Variants in FAM193A observed in about 807,000 individuals in gnomAD.
FAM193A encodes the protein protein FAM193A.
FAM193A carries 22 observed loss-of-function variants against 126.5 expected under a neutral mutation model. The observed-to-expected ratio is 0.17, with a 90% CI of 0.12 to 0.25. The LOEUF (loss-of-function observed/expected upper bound fraction) is 0.25. Ranked by LOEUF, FAM193A falls within the 10% of genes least tolerant of loss-of-function variation. The pLI, the probability that FAM193A is intolerant of heterozygous loss-of-function variation, is 1.00. For synonymous variants in FAM193A, 761 were observed against 646.8 expected (o/e 1.18, Z -2.68); for missense variants, 1,675 against 1,672.8 (o/e 1.00, Z -0.02).
intron 2 of FAM193A, among the ~76,000 whole-genome samples, chr4:2,604,915 A>C (rs1328522384): frequency 1.4e-5 from 2 of 142,866 alleles, no homozygotes; most frequent in East Asian, 2.1e-4. Flanking sequence ...CTCCCAGCTT[A>C]GCCTCCTGAG....
At chr4:2,536,063 G>A (rs1363176917), upstream of FAM193A, among the ~76,000 whole-genome samples, 1 of 151,996 alleles carries the variant, frequency 6.6e-6, no homozygotes, top group Non-Finnish European at 1.5e-5. Flanking sequence ...CAAGGTCACC[G>A]GGCGTTCCTG....
chr4:2,677,871 G>C (rs1255800282), intron 13 of FAM193A, among the ~76,000 whole-genome samples: 1 of 152,124 alleles, frequency 6.6e-6, no homozygotes, highest in African/African-American at 2.4e-5. Context: ...TAACTGCATT[G>C]AATCTGTAGA....
In FAM193A at chr4:2,677,756, A is replaced by C. The variant is rs186372654; in HGVS notation, c.2331+5384A>C. On this transcript the variant is annotated intron_variant, in intron 13 of 20. Coordinates refer to ENST00000637812, the MANE Select transcript of FAM193A (RefSeq NM_001366318.2). ...AACACTGTCTCAAAAAAAAAAAAAAAAAGATTGTTTGGGTTATTCAGGATC... is the reference window on the plus strand; with the variant it reads ...AACACTGTCTCAAAAAAAAAAAAAACAAGATTGTTTGGGTTATTCAGGATC... 4.4e-3 allele frequency among the ~76,000 whole-genome samples: 674 copies of C among 152,030 alleles called. 3 individuals carry two copies. Among genetic ancestry groups the C allele is most frequent in the Non-Finnish European group, 7.9e-3 (538 of 67,988 alleles).
intron 2 of FAM193A, among the ~76,000 whole-genome samples, chr4:2,601,725 T>TAA (rs974230252): frequency 1.4e-5 from 2 of 143,332 alleles, no homozygotes; most frequent in African/African-American, 5.1e-5. Flanking sequence ...TCTGTCTCTA[T>TAA]AAAAAAAAAA....
intron 2 of FAM193A, among the ~76,000 whole-genome samples, chr4:2,623,294 C>T (rs775307292): frequency 3.9e-5 from 6 of 152,094 alleles, no homozygotes; most frequent in African/African-American, 7.2e-5. Flanking sequence ...CTCAGCCTCC[C>T]GAGTAGCTGG....
At position 2,590,477 on chromosome 4, in the gene FAM193A, AAAAAAAAAC is replaced by A. The variant is rs1560464485; in HGVS notation, c.256-5598_256-5590del. Among the ~76,000 whole-genome samples the A allele has an allele frequency of 1.5e-4, 10 of 64,668 alleles. 1 individual carries two copies. Among genetic ancestry groups the A allele is most frequent in the African/African-American group, 7.4e-4 (4 of 5,372 alleles). 42.4% of individuals were successfully genotyped at this position (64,668 alleles called of 152,430 possible). On this transcript the variant is annotated intron_variant, in intron 1 of 20. Coordinates refer to ENST00000637812, the MANE Select transcript of FAM193A (RefSeq NM_001366318.2). ...AGACTCCATCTCAAAAAAAAAAAAC[AAAAAAAAAC>A]AAAAAAAAACAAAAAAAAACAAAAA... is the stretch of plus-strand genomic sequence containing the variant.
chr4:2,562,976 G>A (rs1200416988), intron 1 of FAM193A, among the ~76,000 whole-genome samples: 1 of 148,694 alleles, frequency 6.7e-6, no homozygotes, highest in Non-Finnish European at 1.5e-5. Flanking sequence ...ACGGAGTCTT[G>A]CTCTCTCGCC....
At chr4:2,669,498 A>C (rs1355268076) in intron 12 of FAM193A, among the ~76,000 whole-genome samples, 2 of 152,192 alleles carry the variant, frequency 1.3e-5, no homozygotes, top group Non-Finnish European at 2.9e-5. Context: ...CATCCCAGCT[A>C]CTTGGGAGGC....
chr4:2,690,137 G>A (rs1359690118), intron 14 of FAM193A, among the ~76,000 whole-genome samples: 4 of 152,182 alleles, frequency 2.6e-5, no homozygotes, highest in Admixed American at 6.5e-5. Flanking sequence ...CTGCATTGGC[G>A]CCACGTGGCA....
chr4:2,692,618 A>G (rs1305775737), intron 15 of FAM193A, among the ~76,000 whole-genome samples: 1 of 152,210 alleles, frequency 6.6e-6, no homozygotes, highest in African/African-American at 2.4e-5. Context: ...ATTTTATCCA[A>G]ATCTACCAAG....
chr4:2,693,782 T>C lies in FAM193A; in HGVS notation c.3000T>C (p.Thr1000=). 1 of 1,614,088 alleles carries C rather than the reference T, an allele frequency of 6.2e-7. No individual in the cohort carries two copies. Among genetic ancestry groups the C allele is most frequent in the South Asian group, 1.1e-5 (1 of 91,086 alleles). ...CATTCCCCAAAACAGCAACCACAACTCCTGGGTTTGTGGACACACGCAAGA... is the reference window on the plus strand; with the variant it reads ...CATTCCCCAAAACAGCAACCACAACCCCTGGGTTTGTGGACACACGCAAGA... ...APSFPKTATT[T]PGFVDTRKSF... The change falls in exon 16 of 21, where the codon ACT becomes ACC. Residue 1000 remains threonine (T), a synonymous_variant. Transcript: ENST00000637812.
intron 17 of FAM193A, 67 bp downstream of exon 17, chr4:2,695,196 T>C: frequency 7.2e-7 from 1 of 1,388,820 alleles, no homozygotes; most frequent in Non-Finnish European, 9.6e-7. Flanking sequence ...TTTGCAGAAA[T>C]TCTGTACTAG....
chr4:2,562,436 G>A (rs902532156), intron 1 of FAM193A, among the ~76,000 whole-genome samples: 4 of 152,080 alleles, frequency 2.6e-5, no homozygotes, highest in Non-Finnish European at 4.4e-5. Context: ...GTGGCAAAGC[G>A]AGACCCTGCC....
chr4:2,590,309 A>C (rs1740456963), intron 1 of FAM193A, among the ~76,000 whole-genome samples: 2 of 151,216 alleles, frequency 1.3e-5, no homozygotes, highest in Admixed American at 6.6e-5. Context: ...GTCTCTACTA[A>C]CAACGCCTGT....
At chr4:2,566,283 G>A (rs574255225) in intron 1 of FAM193A, among the ~76,000 whole-genome samples, 69 of 152,212 alleles carry the variant, frequency 4.5e-4, no homozygotes, top group African/African-American at 1.5e-3. Context: ...TTCTGACCTC[G>A]TGATCTGCCC....
intron 1 of FAM193A, among the ~76,000 whole-genome samples, chr4:2,542,879 C>G (rs573345637): frequency 6.8e-4 from 104 of 152,278 alleles, no homozygotes; most frequent in African/African-American, 2.3e-3. Context: ...GGACCACCTT[C>G]ATCGAGGTGG....
At chr4:2,590,489 AAAAAAACAAAAAAAAACAAAAAAAAAAC>A (rs1560464563) in intron 1 of FAM193A, among the ~76,000 whole-genome samples, 78 of 90,622 alleles carry the variant, frequency 8.6e-4, no homozygotes, top group African/African-American at 4.1e-3. Context: ...AAAAAAACAA[AAAAAAACAAAAAAAAACAAAAAAAAAAC>A]AAAACAAAAT....
intron 1 of FAM193A, among the ~76,000 whole-genome samples, chr4:2,577,784 C>A (rs1468071294): frequency 6.6e-6 from 1 of 152,104 alleles, no homozygotes; most frequent in Non-Finnish European, 1.5e-5. Flanking sequence ...TAGGGCCTTT[C>A]TGAATTGATT....
At chr4:2,569,409 G>T (rs1375418406) in intron 1 of FAM193A, among the ~76,000 whole-genome samples, 2 of 152,144 alleles carry the variant, frequency 1.3e-5, no homozygotes, top group African/African-American at 4.8e-5. Context: ...GCAGCCCAAA[G>T]GTAGTTTATC....
Sources: gnomAD v4.1 joint callset for allele counts (sites outside exome capture counted in the v4.1 genomes callset) on GRCh38, gnomAD v4.1.1 for gene constraint, MANE v1.5 for transcripts, NCBI Gene and HGNC (gene_info 2026-07-23, HGNC 2026-07-21) for gene names.